The following DENND1A variants were observed in gnomAD, a reference collection of about 807,000 sequenced individuals.
DENND1A encodes the protein DENN domain containing 1A.
Under a neutral mutation model 113.7 loss-of-function variants are expected in DENND1A, and 51 were observed. The observed-to-expected ratio is 0.45, with a 90% CI of 0.36 to 0.57. The LOEUF is 0.57. Ranked by LOEUF, DENND1A falls within the 20% of genes least tolerant of loss-of-function variation. The pLI, the probability that DENND1A is intolerant of heterozygous loss-of-function variation, is 0.00. For synonymous variants in DENND1A, 565 were observed against 570.8 expected (o/e 0.99, Z 0.14); for missense variants, 1,258 against 1,395.9 (o/e 0.90, Z 1.57).
chr9:123,749,032 C>CACTA (rs1241021987), intron 5 of DENND1A, among the ~76,000 whole-genome samples: 1 of 152,190 alleles, frequency 6.6e-6, no homozygotes, highest in African/African-American at 2.4e-5. Context: ...GACTCCTTGA[C>CACTA]ACTAACCAGG....
At chr9:123,694,161 T>G (rs1044616036) in intron 5 of DENND1A, among the ~76,000 whole-genome samples, 4 of 152,096 alleles carry the variant, frequency 2.6e-5, no homozygotes, top group Non-Finnish European at 5.9e-5. Flanking sequence ...ACTAACAAAT[T>G]ATTTGTGAAA....
At chr9:123,646,672 C>T (rs900090328) in intron 9 of DENND1A, among the ~76,000 whole-genome samples, 4 of 152,026 alleles carry the variant, frequency 2.6e-5, no homozygotes, top group South Asian at 4.1e-4. Flanking sequence ...CATTTCCTAC[C>T]GTACGAGATA....
At chr9:123,897,819 T>A (rs1044224326) in intron 1 of DENND1A, among the ~76,000 whole-genome samples, 15 of 151,714 alleles carry the variant, frequency 9.9e-5, no homozygotes, top group African/African-American at 3.4e-4. Flanking sequence ...AATTTAAAAA[T>A]TAGGCAGATG....
chr9:123,688,695 G>C (rs563812451), intron 5 of DENND1A, among the ~76,000 whole-genome samples: 2 of 152,260 alleles, frequency 1.3e-5, no homozygotes, highest in Non-Finnish European at 2.9e-5. Context: ...CCCCAAACAC[G>C]AGGAGGCTGA....
chr9:123,585,977 G>C (rs1363031515), intron 11 of DENND1A, among the ~76,000 whole-genome samples: 1 of 152,122 alleles, frequency 6.6e-6, no homozygotes, highest in Non-Finnish European at 1.5e-5. Context: ...GCCACAGCCA[G>C]TCTGGAAGGC....
chr9:123,817,428 G>A (rs1217014404), intron 2 of DENND1A, among the ~76,000 whole-genome samples: 2 of 152,156 alleles, frequency 1.3e-5, no homozygotes, highest in Non-Finnish European at 2.9e-5. Context: ...TCATCCACGT[G>A]CAAGGTATAA....
chr9:123,418,562 G>T (rs567856856), intron 19 of DENND1A, among the ~76,000 whole-genome samples: 200 of 152,354 alleles, frequency 1.3e-3, no homozygotes, highest in African/African-American at 4.6e-3. Flanking sequence ...GGTGGAAAAC[G>T]CTCGACGGCC....
At chr9:123,913,975 C>A (rs1319131821) in intron 1 of DENND1A, among the ~76,000 whole-genome samples, 1 of 151,452 alleles carries the variant, frequency 6.6e-6, no homozygotes, top group Non-Finnish European at 1.5e-5. Flanking sequence ...GCACTGCAGG[C>A]AGCAGTGCAG....
chr9:123,896,798 G>T (rs1025391994), intron 1 of DENND1A, among the ~76,000 whole-genome samples: 7 of 152,072 alleles, frequency 4.6e-5, no homozygotes, highest in Non-Finnish European at 1.0e-4. Context: ...TTAAAGAAAT[G>T]ATACAAAATA....
chr9:123,721,820 C>G (rs563169405), intron 5 of DENND1A, among the ~76,000 whole-genome samples: 80 of 152,272 alleles, frequency 5.3e-4, no homozygotes, highest in African/African-American at 1.8e-3. Context: ...TCCATTAAAC[C>G]TCTTTTTCTT....
At chr9:123,537,540 G>T (rs549116556) in intron 13 of DENND1A, among the ~76,000 whole-genome samples, 4 of 150,920 alleles carry the variant, frequency 2.7e-5, no homozygotes, top group African/African-American at 7.3e-5. Flanking sequence ...AAAGTTTCCT[G>T]AAATTAAAAA....
chr9:123,930,035 C>G lies in DENND1A; in HGVS notation c.-130G>C. On this transcript the variant is annotated 5_prime_UTR_variant, in exon 1 of 24. Coordinates refer to ENST00000394215, the MANE Select transcript of DENND1A (RefSeq NM_001352964.2). ...CCCTTCCCTCAGGCTGGGGCCCGCCCGCTCGAGGCTCGCTCCCTCGCCGCC... is the reference window on the plus strand; with the variant it reads ...CCCTTCCCTCAGGCTGGGGCCCGCCGGCTCGAGGCTCGCTCCCTCGCCGCC... 1 of 221,290 alleles carries G rather than the reference C, an allele frequency of 4.5e-6. No individual in the cohort carries two copies. The highest frequency in any genetic ancestry group is 8.7e-6 in the Non-Finnish European group (1 of 114,382). 13.7% of individuals were successfully genotyped at this position (221,290 alleles called of 1,614,324 possible).
chr9:123,708,616 A>G (rs2066383829), intron 5 of DENND1A, among the ~76,000 whole-genome samples: 1 of 152,168 alleles, frequency 6.6e-6, no homozygotes, highest in Non-Finnish European at 1.5e-5. Flanking sequence ...GTATATAAAA[A>G]ATAAAAGAAT....
At chr9:123,922,596 T>C (rs1856454627) in intron 1 of DENND1A, among the ~76,000 whole-genome samples, 1 of 152,192 alleles carries the variant, frequency 6.6e-6, no homozygotes, top group Non-Finnish European at 1.5e-5. Context: ...ACATCCCCAG[T>C]TCAACCCTTC....
intron 16 of DENND1A, among the ~76,000 whole-genome samples, chr9:123,453,533 T>C (rs2047892015): frequency 6.6e-6 from 1 of 152,060 alleles, no homozygotes; most frequent in South Asian, 2.1e-4. Flanking sequence ...GGCCAGCTCG[T>C]GAAGGGCCCG....
intron 2 of DENND1A, among the ~76,000 whole-genome samples, chr9:123,878,063 C>G (rs1241343513): frequency 6.7e-6 from 1 of 149,640 alleles, no homozygotes; most frequent in Admixed American, 6.7e-5. Context: ...ATTAGCTGGG[C>G]GTGGTGGCAC....
chr9:123,666,723 C>G (rs2063508792), intron 8 of DENND1A, among the ~76,000 whole-genome samples: 1 of 152,020 alleles, frequency 6.6e-6, no homozygotes, highest in African/African-American at 2.4e-5. Flanking sequence ...GGTGATTTAA[C>G]TATGTAAAAA....
chr9:123,380,760 G>T lies in DENND1A; in HGVS notation c.*672C>A, dbSNP rs2042234263. On this transcript the variant is annotated 3_prime_UTR_variant, in exon 24 of 24. Transcript: ENST00000394215. ...GCTGGTGCTCGCAGCCCCCGTGCAG[G>T]GTGGCTGGGGCTGTGTATCACAAGG... is the stretch of plus-strand genomic sequence containing the variant. 1.3e-5 allele frequency: 2 copies of T among 152,612 alleles called. No homozygotes were observed. Among genetic ancestry groups the T allele is most frequent in the Non-Finnish European group, 1.5e-5 (1 of 68,076 alleles). 9.5% of individuals were successfully genotyped at this position (152,612 alleles called of 1,614,324 possible).
At chr9:123,640,728 C>A (rs960555917) in intron 9 of DENND1A, among the ~76,000 whole-genome samples, 4 of 152,214 alleles carry the variant, frequency 2.6e-5, no homozygotes, top group Non-Finnish European at 5.9e-5. Flanking sequence ...GGATGGTCAC[C>A]GGATCTTTTT....
Sources: allele counts gnomAD v4.1 joint callset (sites outside exome capture counted in the v4.1 genomes callset), GRCh38; gene constraint gnomAD v4.1.1; transcripts MANE v1.5; gene names NCBI Gene and HGNC (gene_info 2026-07-23, HGNC 2026-07-21).